SLC35F3: variants seen among roughly 807,000 people sequenced by gnomAD.
SLC35F3 encodes the protein solute carrier family 35 member F3, also known as putative thiamine transporter SLC35F3.
In SLC35F3, 25 loss-of-function variants were observed where a neutral mutation model predicts 49.9. The observed-to-expected ratio is 0.50, with a 90% CI of 0.37 to 0.70. The LOEUF is 0.70. Among genes scored for constraint, SLC35F3 ranks in the 30% least tolerant of loss-of-function variants. The probability of loss-of-function intolerance (pLI) is 0.00; values close to 1 mark genes in which losing one functional copy is unlikely to be tolerated. For missense variants in SLC35F3, 525 were observed against 639.8 expected, an observed-to-expected ratio of 0.82 and a Z score of 1.94; for synonymous variants, 275 against 265.4, an observed-to-expected ratio of 1.04 and a Z score of -0.35.
chr1:234,168,213 A>G (rs1328217586), intron 2 of SLC35F3, among the ~76,000 whole-genome samples: 1 of 152,224 alleles, frequency 6.6e-6, no homozygotes, highest in Non-Finnish European at 1.5e-5. Context: ...GGGCTGGAAT[A>G]TGACTTTCAG....
intron 2 of SLC35F3, among the ~76,000 whole-genome samples, chr1:234,033,075 T>C (rs1296815125): frequency 1.3e-5 from 2 of 152,188 alleles, no homozygotes; most frequent in Non-Finnish European, 2.9e-5. Flanking sequence ...TGATATCCCA[T>C]TGTGGCTTTG....
intron 2 of SLC35F3, among the ~76,000 whole-genome samples, chr1:233,984,824 A>G (rs1351307655): frequency 6.6e-6 from 1 of 152,192 alleles, no homozygotes; most frequent in Non-Finnish European, 1.5e-5. Context: ...CCAGGGACAT[A>G]TGTTAAGATG....
intron 3 of SLC35F3, among the ~76,000 whole-genome samples, chr1:234,293,414 T>C (rs1668539216): frequency 6.6e-6 from 1 of 152,200 alleles, no homozygotes; most frequent in Non-Finnish European, 1.5e-5. Context: ...AAAACAAGGA[T>C]AACTTTCTGT....
At chr1:234,240,661 C>T (rs1667541383) in intron 3 of SLC35F3, among the ~76,000 whole-genome samples, 1 of 151,420 alleles carries the variant, frequency 6.6e-6, no homozygotes, top group Admixed American at 6.6e-5. Context: ...AGGAGGAGGT[C>T]CTAAAATGAT....
At chr1:234,263,275 A>C (rs1331032547) in intron 3 of SLC35F3, among the ~76,000 whole-genome samples, 1 of 152,196 alleles carries the variant, frequency 6.6e-6, no homozygotes, top group Non-Finnish European at 1.5e-5. Context: ...GGGAACTTAA[A>C]AGAGATATGA....
intron 3 of SLC35F3, among the ~76,000 whole-genome samples, chr1:234,240,331 G>A (rs139375165): frequency 8.4e-4 from 126 of 149,318 alleles, no homozygotes; most frequent in African/African-American, 2.9e-3. Context: ...TTAGCTGGAC[G>A]TGGTGGCATA....
intron 2 of SLC35F3, among the ~76,000 whole-genome samples, chr1:233,959,110 A>G (rs1662751784): frequency 6.6e-6 from 1 of 152,190 alleles, no homozygotes; most frequent in Admixed American, 6.5e-5. Context: ...TCGCTTATGG[A>G]ATAATTTCTA....
chr1:234,267,526 T>A (rs1668008373), intron 3 of SLC35F3, among the ~76,000 whole-genome samples: 1 of 147,844 alleles, frequency 6.8e-6, no homozygotes, highest in African/African-American at 2.6e-5. Context: ...CCCACCTCCC[T>A]CCCGGACGGG....
At chr1:234,075,482 G>A (rs1664778461) in intron 2 of SLC35F3, among the ~76,000 whole-genome samples, 1 of 152,224 alleles carries the variant, frequency 6.6e-6, no homozygotes, top group African/African-American at 2.4e-5. Context: ...TAGGCACATT[G>A]TGCTGATAAA....
chr1:234,188,977 G>A lies in SLC35F3; in HGVS notation c.284-42440G>A, dbSNP rs574000925. Among the ~76,000 whole-genome samples the A allele has an allele frequency of 4.1e-4, 62 of 152,206 alleles. No individual in the cohort carries two copies. The South Asian group carries it at 9.6e-3, about 23-fold the overall frequency. ...ACAATTACTACCGTTCGGCTCTCAG[G>A]AAGCCACATCCCTAGGAAAAGGGGG... On this transcript the variant is annotated intron_variant, in intron 2 of 7. Coordinates refer to ENST00000366618, the MANE Select transcript of SLC35F3 (RefSeq NM_173508.4).
At chr1:234,182,587 A>T (rs139634724) in intron 2 of SLC35F3, among the ~76,000 whole-genome samples, 52 of 152,350 alleles carry the variant, frequency 3.4e-4, no homozygotes, top group African/African-American at 1.2e-3. Flanking sequence ...GATTGCCAGA[A>T]GTAGGATAAT....
At chr1:233,934,096 G>A (rs984486198) in intron 2 of SLC35F3, among the ~76,000 whole-genome samples, 3 of 152,204 alleles carry the variant, frequency 2.0e-5, no homozygotes, top group African/African-American at 7.2e-5. Flanking sequence ...ATGCTGCTAA[G>A]GATAGCATAG....
At chr1:234,119,736 G>C (rs1340444919) in intron 2 of SLC35F3, among the ~76,000 whole-genome samples, 2 of 152,114 alleles carry the variant, frequency 1.3e-5, no homozygotes, top group East Asian at 3.9e-4. Context: ...ATTAGGGGTG[G>C]GGAAATGAAC....
intron 2 of SLC35F3, among the ~76,000 whole-genome samples, chr1:234,014,663 G>T (rs1341308870): frequency 6.6e-6 from 1 of 151,930 alleles, no homozygotes; most frequent in Non-Finnish European, 1.5e-5. Context: ...ACAAAAATCA[G>T]TAGCATTTCT....
intron 2 of SLC35F3, among the ~76,000 whole-genome samples, chr1:234,122,241 G>T (rs959570088): frequency 6.6e-6 from 1 of 152,192 alleles, no homozygotes; most frequent in Non-Finnish European, 1.5e-5. Flanking sequence ...TAAGAATTCT[G>T]CAGGTTAATC....
chr1:234,123,380 C>A (rs548203910), intron 2 of SLC35F3, among the ~76,000 whole-genome samples: 1 of 152,214 alleles, frequency 6.6e-6, no homozygotes, highest in Non-Finnish European at 1.5e-5. Context: ...TATTGTGCAT[C>A]TGGGGCCATA....
At chr1:234,199,859 A>G (rs769448334) in intron 2 of SLC35F3, among the ~76,000 whole-genome samples, 19 of 152,240 alleles carry the variant, frequency 1.2e-4, no homozygotes, top group Admixed American at 2.6e-4. Flanking sequence ...TCAAAAGAAG[A>G]GATACAAATG....
chr1:234,206,499 G>A (rs904546346), intron 2 of SLC35F3, among the ~76,000 whole-genome samples: 1 of 129,322 alleles, frequency 7.7e-6, no homozygotes, highest in Non-Finnish European at 1.7e-5. Flanking sequence ...GCTATTTCCC[G>A]GGGGGGGGCT....
intron 2 of SLC35F3, among the ~76,000 whole-genome samples, chr1:233,979,641 C>G (rs1199442147): frequency 6.6e-6 from 1 of 152,142 alleles, no homozygotes; most frequent in Non-Finnish European, 1.5e-5. Flanking sequence ...GCTCCATGCA[C>G]TGTTTTAAAA....
Sources: allele counts gnomAD v4.1 joint callset (sites outside exome capture counted in the v4.1 genomes callset), GRCh38; gene constraint gnomAD v4.1.1; transcripts MANE v1.5; gene names NCBI Gene and HGNC (gene_info 2026-07-23, HGNC 2026-07-21).